Variants in SKIL observed in about 807,000 individuals in gnomAD.
The protein encoded by SKIL is ski-like protein.
In SKIL, 20 loss-of-function variants were observed where a neutral mutation model predicts 69.6. The observed-to-expected ratio is 0.29, with a 90% CI of 0.20 to 0.42. The LOEUF (loss-of-function observed/expected upper bound fraction) is 0.42, where lower values mean the gene tolerates loss of function less well. Among genes scored for constraint, SKIL ranks in the 10% least tolerant of loss-of-function variants. The pLI is 1.00. For synonymous variants in SKIL, 310 were observed against 279.9 expected (o/e 1.11, Z -1.08); for missense variants, 745 against 783.1 (o/e 0.95, Z 0.58).
At chr3:170,359,104 G>A (rs1404098867) in intron 1 of SKIL, among the ~76,000 whole-genome samples, 1 of 152,130 alleles carries the variant, frequency 6.6e-6, no homozygotes, top group Non-Finnish European at 1.5e-5. Flanking sequence ...GAAAGCCCCG[G>A]TACTACTAAT....
At chr3:170,391,301 GA>G (rs1424395359) in intron 6 of SKIL, 41 bp downstream of exon 6, 1 of 1,157,192 alleles carries the variant, frequency 8.6e-7, no homozygotes. Context: ...TTTCAGCATG[GA>G]AATGGAAACT....
chr3:170,358,773 G>C (rs909799688), intron 1 of SKIL: 1 of 152,210 alleles, frequency 6.6e-6, no homozygotes. Flanking sequence ...TTCTTTGTGA[G>C]GTTTGTCTGC....
At position 170,395,698 on chromosome 3, in the gene SKIL, T is replaced by TAA. The variant is rs1391871345; in HGVS notation, c.*3281_*3282insAA. The TAA allele has an allele frequency of 6.6e-6, 1 of 152,100 alleles. No individual in the cohort carries two copies. The highest frequency in any genetic ancestry group is 1.5e-5 in the Non-Finnish European group (1 of 67,944). The allele number at this position is 152,100 out of a possible 1,614,324, so 9.4% of individuals were successfully genotyped here. ...AAAATTTTCTTCTCAATAAGGCATA[T>TAA]GTTTTGATTACTTAGGGAAGATTCC... On this transcript the variant is annotated 3_prime_UTR_variant, in exon 7 of 7. Transcript: ENST00000259119.
chr3:170,360,532 G>A lies in SKIL; in HGVS notation c.201G>A (p.Glu67=), dbSNP rs1736173522. ...YGEAPVETDG[E]HVKRTCTSVP... The stretch of plus-strand genomic sequence containing the variant: ...AAGCACCAGTGGAAACTGATGGAGA[G>A]CATGTTAAGCGAACCTGTACTTCTG... The change falls in exon 2 of 7, where the codon GAG becomes GAA. Residue 67 remains glutamate, a synonymous_variant. Transcript: ENST00000259119. 1.2e-6 allele frequency: 2 copies of A among 1,614,190 alleles called. No homozygotes were observed. Among genetic ancestry groups the A allele is most frequent in the Non-Finnish European group, 1.7e-6 (2 of 1,180,040 alleles).
At position 170,393,596 on chromosome 3, in the gene SKIL, A is replaced by G. The variant is rs972484626; in HGVS notation, c.*1179A>G. The G allele has an allele frequency of 3.3e-5, 5 of 152,114 alleles. No individual in the cohort carries two copies. The highest frequency in any genetic ancestry group is 7.4e-5 in the Non-Finnish European group (5 of 67,992). 9.4% of individuals were successfully genotyped at this position (152,114 alleles called of 1,614,324 possible). ...CTTCTGCACTTTTTTTTTGCACAGA[A>G]AAGTCTGTCATTCTCTAATGGCAAA... On this transcript the variant is annotated 3_prime_UTR_variant, in exon 7 of 7. Transcript: ENST00000259119.
At chr3:170,376,381 A>G (rs911036488) in intron 2 of SKIL, among the ~76,000 whole-genome samples, 1 of 152,116 alleles carries the variant, frequency 6.6e-6, no homozygotes, top group African/African-American at 2.4e-5. Flanking sequence ...ATTTGTTAGA[A>G]TGAACTTATC....
chr3:170,377,747 G>A (rs1316962314), intron 2 of SKIL, among the ~76,000 whole-genome samples: 1 of 150,036 alleles, frequency 6.7e-6, no homozygotes, highest in African/African-American at 2.5e-5. Flanking sequence ...GTAGAGACGG[G>A]GTTTCACCAT....
chr3:170,380,309 A>G (rs1737268744), intron 2 of SKIL, among the ~76,000 whole-genome samples: 1 of 152,148 alleles, frequency 6.6e-6, no homozygotes, highest in African/African-American at 2.4e-5. Context: ...AATAAGAATC[A>G]ATTTTCCAGT....
At chr3:170,376,639 A>G (rs1737048684) in intron 2 of SKIL, among the ~76,000 whole-genome samples, 1 of 151,890 alleles carries the variant, frequency 6.6e-6, no homozygotes, top group Non-Finnish European at 1.5e-5. Flanking sequence ...GCCATGGAGC[A>G]ATCTCAGCTC....
chr3:170,360,192 A>G lies in SKIL; in HGVS notation c.-140A>G. The G allele has an allele frequency of 1.2e-6, 1 of 811,368 alleles. No homozygotes were observed. The highest frequency in any genetic ancestry group is 1.9e-6 in the Non-Finnish European group (1 of 524,622). 50.3% of individuals were successfully genotyped at this position (811,368 alleles called of 1,614,324 possible). On this transcript the variant is annotated 5_prime_UTR_variant, in exon 2 of 7. Coordinates refer to ENST00000259119, the MANE Select transcript of SKIL (RefSeq NM_005414.5). Reference sequence around the variant, plus strand: ...CAAAACTAAGTCGCAAAATTTATTAATTTAAGGGGCTCTCGCTTTGAAAGT... The same window carrying G: ...CAAAACTAAGTCGCAAAATTTATTAGTTTAAGGGGCTCTCGCTTTGAAAGT...
chr3:170,383,683 C>T (rs1428866792), intron 3 of SKIL, among the ~76,000 whole-genome samples: 1 of 152,080 alleles, frequency 6.6e-6, no homozygotes, highest in Non-Finnish European at 1.5e-5. Flanking sequence ...GGGTTTGATA[C>T]AAGAACTGCC....
At chr3:170,368,350 T>C (rs1423256285) in intron 2 of SKIL, among the ~76,000 whole-genome samples, 8 of 133,726 alleles carry the variant, frequency 6.0e-5, no homozygotes. Context: ...ATTTTTTCTA[T>C]TTTTTTGGAA....
At chr3:170,361,591 C>T (rs528375517) in intron 2 of SKIL, among the ~76,000 whole-genome samples, 162 bp downstream of exon 2, 1 of 152,294 alleles carries the variant, frequency 6.6e-6, no homozygotes, top group South Asian at 2.1e-4. Context: ...CCATAAAGTG[C>T]TTTGCAGTAT....
At chr3:170,361,705 A>G (rs1560205586) in intron 2 of SKIL, among the ~76,000 whole-genome samples, 3 of 151,944 alleles carry the variant, frequency 2.0e-5, no homozygotes, top group Non-Finnish European at 4.4e-5. Flanking sequence ...TGACTTTCCC[A>G]AAATTATGTA....
chr3:170,362,802 A>G (rs1007869241), intron 2 of SKIL, among the ~76,000 whole-genome samples: 1 of 150,236 alleles, frequency 6.7e-6, no homozygotes, highest in Non-Finnish European at 1.5e-5. Context: ...GCGTCAGAGT[A>G]AGACTCCATT....
intron 2 of SKIL, among the ~76,000 whole-genome samples, chr3:170,375,836 T>C (rs1162754505): frequency 6.6e-6 from 1 of 152,100 alleles, no homozygotes; most frequent in Non-Finnish European, 1.5e-5. Context: ...TGCCTTGGCC[T>C]CCTAAAATTC....
At position 170,360,384 on chromosome 3, in the gene SKIL, T is replaced by C; in HGVS notation, c.53T>C (p.Leu18Pro). 6.2e-7 allele frequency: 1 copy of C among 1,601,522 alleles called. No homozygotes were observed. Among genetic ancestry groups the C allele is most frequent in the Non-Finnish European group, 8.5e-7 (1 of 1,174,484 alleles). ...FSLVQGSTKK[L>P]NGMGDDGSPP... is the part of the protein sequence containing the mutation. ...TTGGTTCAGGGCTCAACTAAAAAAC[T>C]GAATGGGATGGGAGATGATGGCAGC... The change falls in exon 2 of 7, where the codon CTG becomes CCG. Residue 18 changes from leucine (L) to proline (P), a missense_variant. Coordinates refer to ENST00000259119, the MANE Select transcript of SKIL (RefSeq NM_005414.5).
intron 3 of SKIL, among the ~76,000 whole-genome samples, chr3:170,382,787 C>G (rs539085886): frequency 7.0e-6 from 1 of 142,522 alleles, no homozygotes; most frequent in South Asian, 2.2e-4. Context: ...GGTATGATCT[C>G]GGCTCACTGC....
At chr3:170,369,055 G>C (rs1172423067) in intron 2 of SKIL, among the ~76,000 whole-genome samples, 1 of 147,720 alleles carries the variant, frequency 6.8e-6, no homozygotes. Flanking sequence ...TTAATAACAG[G>C]ATATGTGGAC....
Sources: allele counts gnomAD v4.1 joint callset (sites outside exome capture counted in the v4.1 genomes callset), GRCh38; gene constraint gnomAD v4.1.1; transcripts MANE v1.5; gene names NCBI Gene and HGNC (gene_info 2026-07-23, HGNC 2026-07-21).